The following SMOX variants were observed in gnomAD, a reference collection of about 807,000 sequenced individuals.
The protein encoded by SMOX is spermine oxidase, also known as flavin containing amine oxidase.
In SMOX, 22 loss-of-function variants were observed where a neutral mutation model predicts 51.0. The ratio of observed to expected loss-of-function variants is 0.43; its 90% CI spans 0.31 to 0.62. The LOEUF is 0.62. SMOX is among the 20% of genes least tolerant of loss of function. The probability of loss-of-function intolerance (pLI) is 0.10; values close to 1 mark genes in which losing one functional copy is unlikely to be tolerated. For synonymous variants in SMOX, 282 were observed against 307.8 expected (o/e 0.92, Z 0.88); for missense variants, 566 against 777.7 (o/e 0.73, Z 3.24).
At chr20:4,186,328 G>T (rs1046197094) in intron 6 of SMOX, among the ~76,000 whole-genome samples, 1 of 152,088 alleles carries the variant, frequency 6.6e-6, no homozygotes, top group Non-Finnish European at 1.5e-5. Context: ...AATAAAAACT[G>T]CATTTTATCA....
At chr20:4,160,625 C>A (rs1277187687) in intron 1 of SMOX, among the ~76,000 whole-genome samples, 1 of 152,240 alleles carries the variant, frequency 6.6e-6, no homozygotes, top group Non-Finnish European at 1.5e-5. Flanking sequence ...CTGTGAGGTT[C>A]ATCTGGTGAC....
chr20:4,183,422 C>T lies in SMOX; in HGVS notation c.1370-72C>T. On this transcript the variant is annotated intron_variant, in intron 5 of 6. Coordinates refer to ENST00000305958, the MANE Select transcript of SMOX (RefSeq NM_175839.3). The surrounding 1 kb of genome is among the most constrained non-coding windows in gnomAD (Gnocchi z 4.3). The stretch of plus-strand genomic sequence containing the variant: ...CCTGGAGGTGGGGTGGGGGGTTGTC[C>T]CTTTGGGGTCATCTTCCATATGCAG... 6.2e-7 allele frequency: 1 copy of T among 1,610,516 alleles called. No individual in the cohort carries two copies. Among genetic ancestry groups the T allele is most frequent in the Non-Finnish European group, 8.5e-7 (1 of 1,177,718 alleles).
rs993851576 is a variant in SMOX at position 4,172,828 on chromosome 20, A to T, written c.-26-2202A>T. On this transcript the variant is annotated intron_variant, in intron 1 of 6. Coordinates refer to ENST00000305958, the MANE Select transcript of SMOX (RefSeq NM_175839.3). The surrounding 1 kb of genome is among the most constrained non-coding windows in gnomAD (Gnocchi z 7.7). Reference sequence around the variant, plus strand: ...GGGTGGGAGGGGGGGTGGTGGAGGGAGGATTCCCGTCCAGGCCCAGGCATC... The same window carrying T: ...GGGTGGGAGGGGGGGTGGTGGAGGGTGGATTCCCGTCCAGGCCCAGGCATC... Among the ~76,000 whole-genome samples, 1 of 148,474 alleles carries T rather than the reference A, an allele frequency of 6.7e-6. No individual in the cohort carries two copies. The highest frequency in any genetic ancestry group is 2.5e-5 in the African/African-American group (1 of 39,838).
chr20:4,155,575 T>C (rs1450410063), intron 1 of SMOX, among the ~76,000 whole-genome samples: 2 of 152,178 alleles, frequency 1.3e-5, no homozygotes, highest in African/African-American at 4.8e-5. Flanking sequence ...GCATTGCCTC[T>C]TCCCAGAGAG....
chr20:4,151,737 A>T (rs1279883611), intron 1 of SMOX, among the ~76,000 whole-genome samples: 4 of 152,154 alleles, frequency 2.6e-5, no homozygotes, highest in African/African-American at 4.8e-5. Context: ...TAATCGTAGC[A>T]CCTGACTTAT....
chr20:4,186,827 G>A (rs755372323), intron 6 of SMOX: 4 of 780,390 alleles, frequency 5.1e-6, no homozygotes, highest in Middle Eastern at 2.2e-4. Context: ...CAGGGGCGCC[G>A]TAAAGGTTTG....
At chr20:4,186,507 G>A (rs546359625) in intron 6 of SMOX, among the ~76,000 whole-genome samples, 1 of 152,236 alleles carries the variant, frequency 6.6e-6, no homozygotes, top group African/African-American at 2.4e-5. Context: ...CCCCGAGCAA[G>A]GCCTGCTTTG....
At chr20:4,184,394 G>A (rs1000449035) in intron 6 of SMOX, among the ~76,000 whole-genome samples, 1 of 151,830 alleles carries the variant, frequency 6.6e-6, no homozygotes, top group East Asian at 1.9e-4. Flanking sequence ...CATAGCGATA[G>A]GAATGTCCTA....
At chr20:4,171,312 A>C (rs912073657) in intron 1 of SMOX, among the ~76,000 whole-genome samples, 16 of 152,210 alleles carry the variant, frequency 1.1e-4, no homozygotes, top group Admixed American at 8.5e-4. Flanking sequence ...AGGGAAAGGA[A>C]ACGATGACAC....
At chr20:4,154,398 C>T (rs771883548) in intron 1 of SMOX, among the ~76,000 whole-genome samples, 6 of 101,308 alleles carry the variant, frequency 5.9e-5, no homozygotes, top group Admixed American at 9.5e-5. Flanking sequence ...TTTTTTGAGA[C>T]GGAGTCTTGC....
rs563232656 is a variant in SMOX, at chr20:4,169,710, CA to C, written c.-26-5319del. ...CAGTGCAGAACCAGTACGAGGGACT[CA>C]CATTTCAAGGGTGTCTGTTGCTTCA... On this transcript the variant is annotated intron_variant, in intron 1 of 6. Transcript: ENST00000305958. 8.8e-4 allele frequency among the ~76,000 whole-genome samples: 134 copies of C among 152,236 alleles called. 1 individual carries two copies. The highest frequency in any genetic ancestry group is 3.0e-3 in the African/African-American group (126 of 41,530).
rs779907818 is a variant in SMOX at position 4,181,903 on chromosome 20, G to A, written c.536G>A (p.Arg179His). ...GVFTREEVRN[R>H]IRNDPDDPEA... ...TTCACCCGAGAGGAGGTGCGTAACC[G>A]CATCAGGAATGACCCTGACGACCCA... The change falls in exon 4 of 7, where the codon CGC (arginine) becomes CAC (histidine). Residue 179 changes from arginine (R) to histidine (H), a missense_variant. Arg to His is a conservative substitution (Grantham distance 29). Transcript: ENST00000305958. The surrounding 1 kb of genome is among the most constrained non-coding windows in gnomAD (Gnocchi z 5.6). 31 of 1,614,018 alleles carry A rather than the reference G, an allele frequency of 1.9e-5. No individual in the cohort carries two copies. The highest frequency in any genetic ancestry group is 2.5e-5 in the Non-Finnish European group (29 of 1,180,036).
chr20:4,164,478 A>G (rs879759585), intron 1 of SMOX, among the ~76,000 whole-genome samples: 10 of 152,214 alleles, frequency 6.6e-5, no homozygotes, highest in Non-Finnish European at 1.5e-4. Context: ...AGTGGTGGGG[A>G]TTCAAATGAC....
At chr20:4,158,241 C>T (rs559258557) in intron 1 of SMOX, among the ~76,000 whole-genome samples, 91 of 152,210 alleles carry the variant, frequency 6.0e-4, no homozygotes, top group African/African-American at 1.5e-3. Flanking sequence ...TACGGTGGTG[C>T]GTGGGGCAAC....
At chr20:4,176,788 G>C (rs1322289616) in intron 2 of SMOX, among the ~76,000 whole-genome samples, 2 of 152,140 alleles carry the variant, frequency 1.3e-5, no homozygotes, top group Non-Finnish European at 1.5e-5. Flanking sequence ...TTTTTGTACT[G>C]TGTCAAAGGA....
Position 4,170,860 on chromosome 20 carries a change from C to T in SMOX, c.-26-4170C>T, listed in dbSNP as rs548599702. On this transcript the variant is annotated intron_variant, in intron 1 of 6. Coordinates refer to ENST00000305958, the MANE Select transcript of SMOX (RefSeq NM_175839.3). This position sits in a 1 kb window ranked among gnomAD's most constrained non-coding sequence, Gnocchi z 4.6. ...GGCCTGCAGGCTGGAGAACTGGCTG[C>T]GTGGTATCTTGGATGAAATTGCCAG... is the stretch of plus-strand genomic sequence containing the variant. 5.9e-5 allele frequency among the ~76,000 whole-genome samples: 9 copies of T among 152,212 alleles called. No homozygotes were observed. Among genetic ancestry groups the T allele is most frequent in the East Asian group, 5.8e-4 (3 of 5,168 alleles).
At chr20:4,151,788 C>A (rs1240699386) in intron 1 of SMOX, among the ~76,000 whole-genome samples, 1 of 152,150 alleles carries the variant, frequency 6.6e-6, no homozygotes, top group Non-Finnish European at 1.5e-5. Context: ...CCATTTGTTA[C>A]AATTGTTTGT....
intron 6 of SMOX, among the ~76,000 whole-genome samples, chr20:4,186,186 A>G (rs1223094928): frequency 6.6e-6 from 1 of 152,118 alleles, no homozygotes; most frequent in African/African-American, 2.4e-5. Context: ...GTGTGCCTGT[A>G]GTCCCAACTA....
chr20:4,181,778 C>A lies in SMOX; in HGVS notation c.436-25C>A. The A allele has an allele frequency of 6.2e-7, 1 of 1,608,168 alleles. No homozygotes were observed. The highest frequency in any genetic ancestry group is 1.1e-5 in the South Asian group (1 of 90,074). Reference sequence around the variant, plus strand: ...AGATGGAGGTGTGATGAGGTGTTTTCAGTCTCATGGGGTCTCTCTGGCAGG... The same window carrying A: ...AGATGGAGGTGTGATGAGGTGTTTTAAGTCTCATGGGGTCTCTCTGGCAGG... On this transcript the variant is annotated intron_variant, in intron 3 of 6. Transcript: ENST00000305958. The surrounding 1 kb of genome is among the most constrained non-coding windows in gnomAD (Gnocchi z 5.6).
Sources: gnomAD v4.1 joint callset for allele counts (sites outside exome capture counted in the v4.1 genomes callset) on GRCh38, gnomAD v4.1.1 for gene constraint, Gnocchi (gnomAD v3.1) non-coding constraint, MANE v1.5 for transcripts, NCBI Gene and HGNC (gene_info 2026-07-23, HGNC 2026-07-21) for gene names.